The following DIAPH2 variants were observed in gnomAD, a reference collection of about 807,000 sequenced individuals.
DIAPH2 encodes diaphanous related formin 2, also known as protein diaphanous homolog 2.
DIAPH2 carries 35 observed loss-of-function variants against 92.7 expected under a neutral mutation model. The ratio of observed to expected loss-of-function variants is 0.38; its 90% CI spans 0.29 to 0.50. DIAPH2 has a LOEUF of 0.50. DIAPH2 is among the 20% of genes least tolerant of loss of function. The probability of loss-of-function intolerance (pLI) is 0.94; values close to 1 mark genes in which losing one functional copy is unlikely to be tolerated. For synonymous variants in DIAPH2, 301 were observed against 280.4 expected (o/e 1.07, Z -0.73); for missense variants, 701 against 819.5 (o/e 0.86, Z 1.77).
chrX:97,203,656 G>T (rs1468557466), intron 22 of DIAPH2, among the ~76,000 whole-genome samples: 1 of 111,597 alleles, frequency 9.0e-6, no homozygotes, highest in African/African-American at 3.3e-5. Flanking sequence ...CCAATACCAA[G>T]TTCTGAAATT....
At chrX:97,436,075 G>T (rs1331316290) in intron 26 of DIAPH2, among the ~76,000 whole-genome samples, 1 of 111,347 alleles carries the variant, frequency 9.0e-6, no homozygotes, top group Admixed American at 9.5e-5. Context: ...AAAGTGCTGG[G>T]ATTACAGGCG....
chrX:96,693,536 C>A (rs923340519), intron 1 of DIAPH2, among the ~76,000 whole-genome samples: 2 of 112,019 alleles, frequency 1.8e-5, no homozygotes. Context: ...ATAATGTATA[C>A]GTATAACAGA....
intron 26 of DIAPH2, among the ~76,000 whole-genome samples, chrX:97,562,511 G>C (rs967475568): frequency 9.3e-5 from 8 of 85,739 alleles, no homozygotes; most frequent in Non-Finnish European, 1.6e-4. Context: ...ACTCCAGCCT[G>C]GGTGACAGAG....
In DIAPH2 at chrX:97,600,442, C is replaced by CTA. The variant is rs2071586180; in HGVS notation, c.*1127_*1128dup. 8.9e-6 allele frequency: 1 copy of CTA among 111,734 alleles called. No homozygotes were observed. Among genetic ancestry groups the CTA allele is most frequent in the Admixed American group, 9.5e-5 (1 of 10,486 alleles). The allele number at this position is 111,734 out of a possible 1,213,427, so 9.2% of individuals were successfully genotyped here. A position where few individuals can be genotyped will look rare whatever the true frequency, so the allele number is the denominator to read the frequency against. ...TATGTGTAAATATGTGTATATATTT[C>CTA]TATCTCTTGCTACAATAATTCCAAC... is the stretch of plus-strand genomic sequence containing the variant. On this transcript the variant is annotated 3_prime_UTR_variant, in exon 27 of 27. Transcript: ENST00000324765.
At chrX:97,447,528 G>A (rs898375728) in intron 26 of DIAPH2, among the ~76,000 whole-genome samples, 5 of 111,290 alleles carry the variant, frequency 4.5e-5, no homozygotes, top group East Asian at 2.8e-4. Context: ...AATGGAGACC[G>A]GGCAAGAGTA....
intron 23 of DIAPH2, among the ~76,000 whole-genome samples, chrX:97,276,010 TCCGTCTG>T: frequency 8.9e-6 from 1 of 112,855 alleles, no homozygotes; most frequent in Non-Finnish European, 1.9e-5. Context: ...TGAACGAGAC[TCCGTCTG>T]CAATCCCGGC....
chrX:97,099,636 C>T (rs2066893176), intron 19 of DIAPH2, 58 bp from the exon 20 acceptor site: 2 of 741,268 alleles, frequency 2.7e-6, no homozygotes, highest in Admixed American at 4.2e-5. Context: ...ATTGTTAATG[C>T]ATGTTTAAAA....
chrX:97,065,942 G>A (rs895246576), intron 17 of DIAPH2, among the ~76,000 whole-genome samples: 5 of 111,956 alleles, frequency 4.5e-5, no homozygotes, highest in African/African-American at 6.5e-5. Flanking sequence ...ACAGGAAAAC[G>A]CTTACAGAAT....
intron 26 of DIAPH2, among the ~76,000 whole-genome samples, chrX:97,489,418 T>A (rs1326698277): frequency 9.0e-6 from 1 of 111,202 alleles, no homozygotes; most frequent in South Asian, 3.8e-4. Flanking sequence ...CCAATTTTAA[T>A]GTCTTTTATT....
At chrX:96,843,413 A>G (rs902160250) in intron 4 of DIAPH2, among the ~76,000 whole-genome samples, 1 of 111,937 alleles carries the variant, frequency 8.9e-6, no homozygotes, top group African/African-American at 3.2e-5. Context: ...ACACATGTGA[A>G]ATTTCAGTTA....
At chrX:97,553,683 A>G (rs768571693) in intron 26 of DIAPH2, among the ~76,000 whole-genome samples, 43 of 106,597 alleles carry the variant, frequency 4.0e-4, no homozygotes, top group Middle Eastern at 4.9e-3. Flanking sequence ...AAAAAAAAAA[A>G]AAGAAGAAGA....
intron 22 of DIAPH2, among the ~76,000 whole-genome samples, chrX:97,216,934 G>T (rs926542331): frequency 1.8e-5 from 2 of 111,808 alleles, no homozygotes; most frequent in African/African-American, 6.5e-5. Flanking sequence ...GGAATGTGGA[G>T]AGATGTAGGA....
At chrX:97,479,096 C>T (rs1192252527) in intron 26 of DIAPH2, among the ~76,000 whole-genome samples, 1 of 111,289 alleles carries the variant, frequency 9.0e-6, no homozygotes, top group East Asian at 2.8e-4. Context: ...CCTTCAAAAT[C>T]AGTTATACTA....
chrX:96,899,319 G>T (rs2065374253), intron 5 of DIAPH2, among the ~76,000 whole-genome samples: 1 of 110,120 alleles, frequency 9.1e-6, no homozygotes, highest in African/African-American at 3.3e-5. Context: ...ACCTTGGGCA[G>T]TATGGCCATT....
chrX:96,943,088 C>T (rs776232156), intron 13 of DIAPH2, among the ~76,000 whole-genome samples: 10 of 110,761 alleles, frequency 9.0e-5, no homozygotes, highest in Non-Finnish European at 1.1e-4. Flanking sequence ...CAGCTTGGTA[C>T]ATTTCCTTAT....
chrX:97,301,130 C>G (rs1439232535), intron 23 of DIAPH2, among the ~76,000 whole-genome samples: 270 of 87,009 alleles, frequency 3.1e-3, no homozygotes, highest in African/African-American at 0.012. Flanking sequence ...CAGCGTAGGC[C>G]ACAGAGCGAG....
At chrX:97,525,086 C>T (rs960958734) in intron 26 of DIAPH2, among the ~76,000 whole-genome samples, 13 of 112,141 alleles carry the variant, frequency 1.2e-4, no homozygotes, top group African/African-American at 3.2e-4. Context: ...TGGGTGTGAA[C>T]CTTGATTCTT....
At position 97,045,848 on chromosome X, in the gene DIAPH2, A is replaced by ATTTT. The variant is rs758666786; in HGVS notation, c.2051-27073_2051-27070dup. Among the ~76,000 whole-genome samples, 66 of 64,417 alleles carry ATTTT rather than the reference A, an allele frequency of 1.0e-3. 1 individual carries two copies. Among genetic ancestry groups the ATTTT allele is most frequent in the African/African-American group, 3.0e-3 (50 of 16,636 alleles). 55.9% of individuals were successfully genotyped at this position (64,417 alleles called of 115,157 possible). On this transcript the variant is annotated intron_variant, in intron 17 of 26. Transcript: ENST00000324765. ...GGGTATGGTATTAGGGTATTTTAGG[A>ATTTT]TTTTTTTTTTTTTTTTTTTTTTTGA...
At chrX:97,584,391 T>C (rs908565017) in intron 26 of DIAPH2, among the ~76,000 whole-genome samples, 1 of 112,389 alleles carries the variant, frequency 8.9e-6, no homozygotes, top group African/African-American at 3.2e-5. Flanking sequence ...GTTGCTTAAA[T>C]ATAAAAATAG....
Sources: gnomAD v4.1 joint callset for allele counts (sites outside exome capture counted in the v4.1 genomes callset) on GRCh38, gnomAD v4.1.1 for gene constraint, MANE v1.5 for transcripts, NCBI Gene and HGNC (gene_info 2026-07-23, HGNC 2026-07-21) for gene names.